Variants in VTI1A observed in about 807,000 individuals in gnomAD.
VTI1A encodes vesicle transport through interaction with t-SNAREs 1A, also known as vesicle transport through interaction with t-SNAREs homolog 1A.
In VTI1A, 22 loss-of-function variants were observed where a neutral mutation model predicts 34.9. That is an observed-to-expected ratio of 0.63 (90% CI 0.45 to 0.90). The LOEUF (loss-of-function observed/expected upper bound fraction) is 0.90. VTI1A is among the 40% of genes least tolerant of loss of function. The pLI, the probability that VTI1A is intolerant of heterozygous loss-of-function variation, is 0.00. For synonymous variants in VTI1A, 87 were observed against 97.3 expected (o/e 0.89, Z 0.62); for missense variants, 268 against 275.6 (o/e 0.97, Z 0.20).
At chr10:112,697,866 A>ATGTGTGTGTGTGTG (rs67142519) in intron 7 of VTI1A, among the ~76,000 whole-genome samples, 1 of 134,824 alleles carries the variant, frequency 7.4e-6, no homozygotes, top group South Asian at 2.4e-4. Flanking sequence ...TAGCATTTAC[A>ATGTGTGTGTGTGTG]TGTGTGTGTG....
chr10:112,573,717 A>G (rs964900885), intron 5 of VTI1A, among the ~76,000 whole-genome samples: 1 of 152,204 alleles, frequency 6.6e-6, no homozygotes, highest in East Asian at 1.9e-4. Flanking sequence ...TCAGTAATGC[A>G]TCAAAAATGC....
intron 5 of VTI1A, among the ~76,000 whole-genome samples, chr10:112,641,513 C>T (rs1564861897): frequency 6.6e-6 from 1 of 152,110 alleles, no homozygotes; most frequent in African/African-American, 2.4e-5. Flanking sequence ...GGGAGGTGAC[C>T]TTAGCAAGGA....
rs1485739142 is a variant in VTI1A at position 112,659,340 on chromosome 10, C to T, written c.428-8878C>T. On this transcript the variant is annotated intron_variant, in intron 5 of 7. Transcript: ENST00000393077. ...AAAAAGGGATGTCCTTCCTGCTGCT[C>T]AAGTCTCATTTTATAGGATAGAATG... Among the ~76,000 whole-genome samples the T allele has an allele frequency of 2.0e-5, 3 of 152,176 alleles. No individual in the cohort carries two copies. The East Asian group carries it at 5.8e-4, about 29-fold the overall frequency.
At chr10:112,605,096 A>G (rs980268067) in intron 5 of VTI1A, among the ~76,000 whole-genome samples, 4 of 152,106 alleles carry the variant, frequency 2.6e-5, no homozygotes, top group Admixed American at 2.0e-4. Context: ...CCTGACCCTG[A>G]CAACGTAGCC....
intron 5 of VTI1A, chr10:112,548,507 G>A: frequency 1.7e-6 from 1 of 581,446 alleles, no homozygotes; most frequent in Non-Finnish European, 3.0e-6. Context: ...TCATTAACCA[G>A]TCTTTTACTA....
chr10:112,742,356 G>C (rs1363533128), intron 7 of VTI1A, among the ~76,000 whole-genome samples: 1 of 152,178 alleles, frequency 6.6e-6, no homozygotes, highest in African/African-American at 2.4e-5. Flanking sequence ...TAAGTAAACA[G>C]CTTGATACAG....
At chr10:112,451,193 T>A (rs1456514797) in intron 1 of VTI1A, among the ~76,000 whole-genome samples, 1 of 152,200 alleles carries the variant, frequency 6.6e-6, no homozygotes, top group Non-Finnish European at 1.5e-5. Context: ...CATGGACAAT[T>A]GCTTGGCCTT....
intron 7 of VTI1A, among the ~76,000 whole-genome samples, chr10:112,676,021 T>G (rs138801444): frequency 6.6e-6 from 1 of 152,128 alleles, no homozygotes; most frequent in African/African-American, 2.4e-5. Flanking sequence ...CCAGGAAACA[T>G]TGAGGTATTT....
At chr10:112,542,950 A>G (rs1429456999) in intron 5 of VTI1A, among the ~76,000 whole-genome samples, 5 of 152,100 alleles carry the variant, frequency 3.3e-5, no homozygotes, top group African/African-American at 1.2e-4. Flanking sequence ...TCCTTGCGAT[A>G]GTTTGCTGAG....
chr10:112,784,965 T>G (rs1439051086), intron 7 of VTI1A, among the ~76,000 whole-genome samples: 1 of 152,234 alleles, frequency 6.6e-6, no homozygotes, highest in East Asian at 1.9e-4. Context: ...GTTGTTCATG[T>G]TACACTCTGA....
At chr10:112,700,289 A>G (rs1269014487) in intron 7 of VTI1A, among the ~76,000 whole-genome samples, 1 of 152,180 alleles carries the variant, frequency 6.6e-6, no homozygotes, top group Non-Finnish European at 1.5e-5. Flanking sequence ...TACCTAAATC[A>G]GTGTTTTTCC....
chr10:112,598,936 G>A (rs967579790), intron 5 of VTI1A, among the ~76,000 whole-genome samples: 11 of 152,148 alleles, frequency 7.2e-5, no homozygotes, highest in African/African-American at 1.2e-4. Flanking sequence ...GTCAATCTGC[G>A]TTATATCTGA....
chr10:112,826,488 GA>G, the VTI1A span: 1 of 152,276 alleles, frequency 6.6e-6, no homozygotes, highest in Non-Finnish European at 1.5e-5. Flanking sequence ...ATTTAATCTG[GA>G]ATCCCAGCAA....
chr10:112,668,834 T>G (rs1847741177), intron 6 of VTI1A, 103 bp from the exon 7 acceptor site: 1 of 1,251,230 alleles, frequency 8.0e-7, no homozygotes, highest in Non-Finnish European at 1.1e-6. Context: ...TTGAACATTT[T>G]TATTGTTTGG....
chr10:112,707,009 A>G (rs978672723), intron 7 of VTI1A, among the ~76,000 whole-genome samples: 4 of 152,168 alleles, frequency 2.6e-5, no homozygotes, highest in African/African-American at 9.7e-5. Flanking sequence ...TTGTAATTTT[A>G]AACAATAAAA....
At chr10:112,713,962 C>G (rs1849519225) in intron 7 of VTI1A, among the ~76,000 whole-genome samples, 1 of 152,076 alleles carries the variant, frequency 6.6e-6, no homozygotes, top group Non-Finnish European at 1.5e-5. Context: ...TTCGGTGCTC[C>G]CCGTGTATTT....
At chr10:112,725,458 A>T (rs987689957) in intron 7 of VTI1A, among the ~76,000 whole-genome samples, 1 of 152,326 alleles carries the variant, frequency 6.6e-6, no homozygotes, top group Non-Finnish European at 1.5e-5. Flanking sequence ...CATTACATTT[A>T]TTGAGATCAA....
chr10:112,450,157 G>C (rs1440998870), intron 1 of VTI1A: 1 of 152,152 alleles, frequency 6.6e-6, no homozygotes, highest in Non-Finnish European at 1.5e-5. Flanking sequence ...CTCCCAAAGT[G>C]CTGGGATTAC....
intron 5 of VTI1A, among the ~76,000 whole-genome samples, chr10:112,622,359 G>A (rs1845765887): frequency 6.6e-6 from 1 of 151,712 alleles, no homozygotes; most frequent in South Asian, 2.1e-4. Context: ...TTTTACTGAT[G>A]CTAAAATGTT....
Sources: allele counts gnomAD v4.1 joint callset (sites outside exome capture counted in the v4.1 genomes callset), GRCh38; gene constraint gnomAD v4.1.1; transcripts MANE v1.5; gene names NCBI Gene and HGNC (gene_info 2026-07-23, HGNC 2026-07-21).